The following CLASP2 variants were observed in gnomAD, a reference collection of about 807,000 sequenced individuals.
CLASP2 encodes CLIP-associating protein 2.
CLASP2 carries 47 observed loss-of-function variants against 194.4 expected under a neutral mutation model. That is an observed-to-expected ratio of 0.24 (90% confidence interval 0.19 to 0.31). The LOEUF is 0.31. Ranked by LOEUF, CLASP2 falls within the 10% of genes least tolerant of loss-of-function variation. The pLI is 1.00. For missense variants in CLASP2, 1,445 were observed against 1,823.6 expected, an observed-to-expected ratio of 0.79 and a Z score of 3.78; for synonymous variants, 619 against 633.5, an observed-to-expected ratio of 0.98 and a Z score of 0.34.
intron 7 of CLASP2, among the ~76,000 whole-genome samples, chr3:33,653,950 C>T (rs1002140971): frequency 2.0e-5 from 3 of 150,212 alleles, no homozygotes; most frequent in Non-Finnish European, 4.4e-5. Context: ...GGGTGGAATA[C>T]GTGAAATCAG....
At chr3:33,639,335 G>A (rs2080846030) in intron 8 of CLASP2, among the ~76,000 whole-genome samples, 1 of 152,152 alleles carries the variant, frequency 6.6e-6, no homozygotes, top group Admixed American at 6.6e-5. Flanking sequence ...TGGTATTACA[G>A]GTGTGAGCCA....
rs528153238 is a variant in CLASP2 at position 33,522,995 on chromosome 3, G to A, written c.3788-5821C>T. 4.6e-5 allele frequency among the ~76,000 whole-genome samples: 7 copies of A among 152,274 alleles called. No homozygotes were observed. The East Asian group carries it at 5.8e-4, about 13-fold the overall frequency. On this transcript the variant is annotated intron_variant, in intron 34 of 38. Coordinates refer to ENST00000682230, the MANE Select transcript of CLASP2 (RefSeq NM_001365631.1). ...GGAGGCTGAGACAGGAGAATGGCACGAACCCAGGAGGCGGAGCTTGCAGTA... is the reference window on the plus strand; with the variant it reads ...GGAGGCTGAGACAGGAGAATGGCACAAACCCAGGAGGCGGAGCTTGCAGTA...
At position 33,581,908 on chromosome 3, in the gene CLASP2, G is replaced by A. The variant is rs768612053; in HGVS notation, c.2260C>T (p.Arg754Ter). ...CTGCATCCTTGACTCACACTTGGTCGAGGAATACGACTGCTTCGGGCTGGT... is the reference window on the plus strand; with the variant it reads ...CTGCATCCTTGACTCACACTTGGTCAAGGAATACGACTGCTTCGGGCTGGT... ...LSVARSSRIP[R>*]PSVSQGCSRE... is the part of the protein sequence containing the mutation. The change falls in exon 23 of 39, where the codon CGA becomes TGA. Residue 754 changes from arginine to a stop codon, truncating the protein, a stop_gained. Coordinates refer to ENST00000682230, the MANE Select transcript of CLASP2 (RefSeq NM_001365631.1). LOFTEE classifies it high-confidence loss of function. The A allele has an allele frequency of 1.2e-6, 2 of 1,613,120 alleles. No individual in the cohort carries two copies. Among genetic ancestry groups the A allele is most frequent in the Non-Finnish European group, 1.7e-6 (2 of 1,179,350 alleles).
intron 1 of CLASP2, among the ~76,000 whole-genome samples, chr3:33,712,943 A>G (rs1243130503): frequency 1.3e-5 from 2 of 148,634 alleles, no homozygotes; most frequent in Admixed American, 6.8e-5. Context: ...GGGCGACAAG[A>G]GCAAAGACCT....
intron 2 of CLASP2, among the ~76,000 whole-genome samples, chr3:33,695,992 C>T (rs538189071): frequency 3.3e-5 from 5 of 152,144 alleles, no homozygotes; most frequent in East Asian, 1.9e-4. Context: ...ATGCACTGTA[C>T]TACAAACACA....
chr3:33,585,938 T>C (rs1305575761), intron 21 of CLASP2, among the ~76,000 whole-genome samples: 1 of 152,220 alleles, frequency 6.6e-6, no homozygotes, highest in African/African-American at 2.4e-5. Context: ...GTCTTACTAT[T>C]AGACGTATTT....
intron 12 of CLASP2, among the ~76,000 whole-genome samples, chr3:33,613,227 G>C (rs528512798): frequency 6.6e-6 from 1 of 152,314 alleles, no homozygotes; most frequent in South Asian, 2.1e-4. Context: ...AGTGGAGCAG[G>C]CAGAGGAAGA....
chr3:33,717,885 C>G lies in CLASP2; in HGVS notation c.118G>C (p.Asp40His). The change falls in exon 1 of 39, where the codon GAC becomes CAC. Residue 40 changes from aspartate to histidine, a missense_variant. Coordinates refer to ENST00000682230, the MANE Select transcript of CLASP2 (RefSeq NM_001365631.1). ...AGGCGGCCCAGGTCCTCCTCCAGGT[C>G]CGAGATGGCGCCGGGGGCGCCAAGG... is the stretch of plus-strand genomic sequence containing the variant. ...LYLGAPGAISDLEEDLGRLGK... is the reference protein window; with the variant it reads ...LYLGAPGAISHLEEDLGRLGK... 1 of 1,559,472 alleles carries G rather than the reference C, an allele frequency of 6.4e-7. No homozygotes were observed. The highest frequency in any genetic ancestry group is 8.7e-7 in the Non-Finnish European group (1 of 1,152,390).
chr3:33,643,713 T>C (rs1432600182), intron 8 of CLASP2, among the ~76,000 whole-genome samples: 1 of 152,000 alleles, frequency 6.6e-6, no homozygotes, highest in African/African-American at 2.4e-5. Flanking sequence ...ATACTTATGA[T>C]AGTTTTTCTA....
rs77145634 is a variant in CLASP2 at position 33,695,863 on chromosome 3, G to T, written c.274+992C>A. Among the ~76,000 whole-genome samples the T allele has an allele frequency of 3.8e-3, 580 of 152,196 alleles. 29 individuals carry two copies. In the East Asian group the frequency reaches 0.098, roughly 26 times the overall value. ...GCTATATAATGCTGCTATATAATAGGATCAAATCCACTTATAACATACTCT... is the reference window on the plus strand; with the variant it reads ...GCTATATAATGCTGCTATATAATAGTATCAAATCCACTTATAACATACTCT... On this transcript the variant is annotated intron_variant, in intron 2 of 38. Coordinates refer to ENST00000682230, the MANE Select transcript of CLASP2 (RefSeq NM_001365631.1).
At chr3:33,602,847 TC>T (rs1560255956) in intron 18 of CLASP2, 104 bp downstream of exon 18, 1 of 1,152,720 alleles carries the variant, frequency 8.7e-7, no homozygotes, top group East Asian at 2.6e-5. Context: ...ATATGGACTA[TC>T]CTTAAATAAC....
chr3:33,548,037 A>C (rs1387384666), intron 30 of CLASP2, among the ~76,000 whole-genome samples: 2 of 151,866 alleles, frequency 1.3e-5, no homozygotes, highest in African/African-American at 2.4e-5. Flanking sequence ...CAGCCTCCTA[A>C]AGTGCTGGGA....
chr3:33,611,841 T>C (rs990309265), intron 13 of CLASP2, among the ~76,000 whole-genome samples, 160 bp downstream of exon 13: 2 of 152,036 alleles, frequency 1.3e-5, no homozygotes, highest in African/African-American at 4.8e-5. Flanking sequence ...TCATCCCTTT[T>C]CCCTTACATG....
Position 33,603,032 on chromosome 3 carries a change from G to T in CLASP2, c.1844C>A (p.Ala615Glu). The T allele has an allele frequency of 6.2e-7, 1 of 1,606,886 alleles. No individual in the cohort carries two copies. Reference sequence around the variant, plus strand: ...CACAGACTGTCCAGCAGCATGATGTGCCTTGGCACCTGCAGCAGCATTCAC... The same window carrying T: ...CACAGACTGTCCAGCAGCATGATGTTCCTTGGCACCTGCAGCAGCATTCAC... ...IDVNAAAGAK[A>E]HHAAGQSVRS... The change falls in exon 18 of 39, where the codon GCA (alanine) becomes GAA (glutamate). Residue 615 changes from alanine to glutamate, a missense_variant. By Grantham distance (107) the Ala-to-Glu change is moderately radical (BLOSUM62 -1). Transcript: ENST00000682230.
intron 37 of CLASP2, chr3:33,505,530 T>G (rs2047939460): frequency 6.6e-6 from 1 of 152,200 alleles, no homozygotes; most frequent in South Asian, 2.1e-4. Flanking sequence ...CTCCAAGAAT[T>G]GACCCCTCTA....
At chr3:33,559,904 A>G (rs1000406959) in intron 28 of CLASP2, among the ~76,000 whole-genome samples, 1 of 152,194 alleles carries the variant, frequency 6.6e-6, no homozygotes, top group African/African-American at 2.4e-5. Context: ...CAAAGAAAAA[A>G]AAAGCAACAC....
intron 7 of CLASP2, among the ~76,000 whole-genome samples, chr3:33,651,475 T>A (rs1275991156): frequency 6.6e-6 from 1 of 151,588 alleles, no homozygotes; most frequent in African/African-American, 2.4e-5. Flanking sequence ...ACATAATACA[T>A]GGGGTATGAC....
chr3:33,688,219 G>A, intron 4 of CLASP2, 58 bp downstream of exon 4: 2 of 1,330,522 alleles, frequency 1.5e-6, no homozygotes, highest in Non-Finnish European at 1.0e-6. Context: ...TGTGAACTGA[G>A]GTTTTTTTTA....
intron 33 of CLASP2, among the ~76,000 whole-genome samples, chr3:33,537,777 C>T (rs1323299243): frequency 1.3e-5 from 2 of 152,010 alleles, no homozygotes; most frequent in Non-Finnish European, 2.9e-5. Context: ...GCCGCATAAA[C>T]TGACAATGCA....
Sources: allele counts gnomAD v4.1 joint callset (sites outside exome capture counted in the v4.1 genomes callset), GRCh38; gene constraint gnomAD v4.1.1; transcripts MANE v1.5; gene names NCBI Gene and HGNC (gene_info 2026-07-23, HGNC 2026-07-21).